Variants in SH3BGRL2 observed in about 807,000 individuals in gnomAD.
The protein encoded by SH3BGRL2 is SH3 domain binding glutamate rich protein like 2, also known as SH3 domain-binding glutamic acid-rich-like protein 2.
Under a neutral mutation model 14.8 loss-of-function variants are expected in SH3BGRL2, and 21 were observed. The ratio of observed to expected loss-of-function variants is 1.42; its 90% CI spans 1.01 to 2.05. SH3BGRL2 has a LOEUF of 2.05. Ranked by LOEUF, SH3BGRL2 falls within the 30% of genes most tolerant of loss-of-function variation. The pLI, the probability that SH3BGRL2 is intolerant of heterozygous loss-of-function variation, is 0.00. For synonymous variants in SH3BGRL2, 50 were observed against 47.8 expected, an observed-to-expected ratio of 1.05 and a Z score of -0.19; for missense variants, 147 against 130.8, an observed-to-expected ratio of 1.12 and a Z score of -0.61.
In SH3BGRL2 at chr6:79,701,473, A is replaced by G. The variant is rs1770454529; in HGVS notation, c.*1964A>G. 1 of 152,204 alleles carries G rather than the reference A, an allele frequency of 6.6e-6. No individual in the cohort carries two copies. Among genetic ancestry groups the G allele is most frequent in the Non-Finnish European group, 1.5e-5 (1 of 68,026 alleles). The allele number at this position is 152,204 out of a possible 1,614,324, so 9.4% of individuals were successfully genotyped here. A position where few individuals can be genotyped will look rare whatever the true frequency, so the allele number is the denominator to read the frequency against. On this transcript the variant is annotated 3_prime_UTR_variant, in exon 4 of 4. Transcript: ENST00000369838. Reference sequence around the variant, plus strand: ...GATCAATACCATACTTGCTAGACAAAGCTACCCAGATTTGTCTTATATTAT... The same window carrying G: ...GATCAATACCATACTTGCTAGACAAGGCTACCCAGATTTGTCTTATATTAT...
At chr6:79,573,185 G>C in the SH3BGRL2 span, among the ~76,000 whole-genome samples, 1 of 152,098 alleles carries the variant, frequency 6.6e-6, no homozygotes, top group Non-Finnish European at 1.5e-5. Context: ...ATGTGAGGTA[G>C]AAATCCAATT....
the SH3BGRL2 span, among the ~76,000 whole-genome samples, chr6:79,539,841 C>G: frequency 2.0e-5 from 3 of 152,214 alleles, no homozygotes; most frequent in East Asian, 5.8e-4. Context: ...TATATAGTAT[C>G]TTGGAAAGCA....
chr6:79,602,148 A>G, the SH3BGRL2 span, among the ~76,000 whole-genome samples: 1 of 152,254 alleles, frequency 6.6e-6, no homozygotes, highest in Non-Finnish European at 1.5e-5. Context: ...CACTTTTTAA[A>G]ATGCTTACAA....
chr6:79,557,156 A>G, the SH3BGRL2 span, among the ~76,000 whole-genome samples: 1 of 151,938 alleles, frequency 6.6e-6, no homozygotes, highest in Non-Finnish European at 1.5e-5. Flanking sequence ...AAGGTGACCA[A>G]GTAGAATGGT....
chr6:79,625,959 T>C, the SH3BGRL2 span, among the ~76,000 whole-genome samples: 2 of 152,210 alleles, frequency 1.3e-5, no homozygotes, highest in Non-Finnish European at 2.9e-5. Flanking sequence ...GACTCAGCTT[T>C]TGAAGGAGCA....
chr6:79,651,588 T>C (rs1769296414), intron 1 of SH3BGRL2, among the ~76,000 whole-genome samples: 1 of 125,428 alleles, frequency 8.0e-6, no homozygotes, highest in African/African-American at 2.7e-5. Context: ...TAGAGCCACT[T>C]GCATTACATC....
intron 1 of SH3BGRL2, among the ~76,000 whole-genome samples, chr6:79,667,757 C>T (rs1238976006): frequency 6.6e-6 from 1 of 152,068 alleles, no homozygotes; most frequent in Non-Finnish European, 1.5e-5. Context: ...TTAGGCTAAA[C>T]TTAATTTAGC....
chr6:79,652,077 A>G (rs1769308084), intron 1 of SH3BGRL2, among the ~76,000 whole-genome samples: 1 of 152,184 alleles, frequency 6.6e-6, no homozygotes, highest in Non-Finnish European at 1.5e-5. Flanking sequence ...ACCTCCAATT[A>G]AGAACAACTG....
chr6:79,603,085 T>C, the SH3BGRL2 span, among the ~76,000 whole-genome samples: 47 of 152,270 alleles, frequency 3.1e-4, no homozygotes, highest in African/African-American at 1.1e-3. Context: ...TATGGAAACA[T>C]TGTACCATCT....
the SH3BGRL2 span, among the ~76,000 whole-genome samples, chr6:79,566,914 A>G: frequency 7.0e-6 from 1 of 142,812 alleles, no homozygotes; most frequent in African/African-American, 2.6e-5. Context: ...AAAAAAAAAA[A>G]GAAAGAAACA....
At chr6:79,594,527 T>A in the SH3BGRL2 span, among the ~76,000 whole-genome samples, 1 of 152,100 alleles carries the variant, frequency 6.6e-6, no homozygotes, top group African/African-American at 2.4e-5. Flanking sequence ...ACACTATGTG[T>A]TCCTTCTGCT....
At chr6:79,550,216 A>G in the SH3BGRL2 span, among the ~76,000 whole-genome samples, 1 of 152,214 alleles carries the variant, frequency 6.6e-6, no homozygotes, top group East Asian at 1.9e-4. Flanking sequence ...TAATATTTAG[A>G]TGAAAGGAGG....
the SH3BGRL2 span, among the ~76,000 whole-genome samples, chr6:79,621,412 G>C: frequency 6.6e-6 from 1 of 152,196 alleles, no homozygotes; most frequent in African/African-American, 2.4e-5. Context: ...CTTCTACCCT[G>C]TGAGGACACA....
At chr6:79,643,107 T>C (rs1769063013) in intron 1 of SH3BGRL2, among the ~76,000 whole-genome samples, 1 of 152,222 alleles carries the variant, frequency 6.6e-6, no homozygotes, top group South Asian at 2.1e-4. Flanking sequence ...ATTTACTTTA[T>C]GTCATTTCAT....
At chr6:79,601,932 C>G in the SH3BGRL2 span, among the ~76,000 whole-genome samples, 1 of 146,388 alleles carries the variant, frequency 6.8e-6, no homozygotes. Context: ...CTCCCCACCC[C>G]CCACAAAAAA....
intron 1 of SH3BGRL2, among the ~76,000 whole-genome samples, chr6:79,656,877 G>C (rs1769429680): frequency 6.6e-6 from 1 of 152,126 alleles, no homozygotes; most frequent in Non-Finnish European, 1.5e-5. Flanking sequence ...ATATGAATGT[G>C]TGTGCACACA....
chr6:79,627,242 A>G (rs1484466573), upstream of SH3BGRL2, among the ~76,000 whole-genome samples: 2 of 152,272 alleles, frequency 1.3e-5, no homozygotes, highest in East Asian at 3.9e-4. Context: ...ATAAATTCCT[A>G]AAAGAGGAAT....
intron 2 of SH3BGRL2, among the ~76,000 whole-genome samples, chr6:79,685,992 A>AT (rs1159506003): frequency 3.3e-5 from 5 of 152,132 alleles, no homozygotes; most frequent in Non-Finnish European, 5.9e-5. Flanking sequence ...GAATGCTTTA[A>AT]TTTTTTGTAA....
chr6:79,640,850 A>G (rs1299510598), intron 1 of SH3BGRL2, among the ~76,000 whole-genome samples: 4 of 152,182 alleles, frequency 2.6e-5, no homozygotes, highest in African/African-American at 9.7e-5. Context: ...TGTCATCTTC[A>G]GTCTAGTGGC....
Sources: gnomAD v4.1 joint callset for allele counts (sites outside exome capture counted in the v4.1 genomes callset) on GRCh38, gnomAD v4.1.1 for gene constraint, MANE v1.5 for transcripts, NCBI Gene and HGNC (gene_info 2026-07-23, HGNC 2026-07-21) for gene names.